ZNRF1: variants seen among roughly 807,000 people sequenced by gnomAD.
ZNRF1 encodes the protein zinc and ring finger 1, also known as E3 ubiquitin-protein ligase ZNRF1.
Under a neutral mutation model 18.4 loss-of-function variants are expected in ZNRF1, and 3 were observed. That is an observed-to-expected ratio of 0.16 (90% CI 0.07 to 0.42). The LOEUF (loss-of-function observed/expected upper bound fraction) is 0.42. Ranked by LOEUF, ZNRF1 falls within the 10% of genes least tolerant of loss-of-function variation. The probability of loss-of-function intolerance (pLI) is 0.99; values close to 1 mark genes in which losing one functional copy is unlikely to be tolerated. For missense variants in ZNRF1, 310 were observed against 329.8 expected (o/e 0.94, Z 0.47); for synonymous variants, 157 against 144.2 (o/e 1.09, Z -0.64).
At chr16:75,047,263 C>T (rs553935145) in intron 1 of ZNRF1, among the ~76,000 whole-genome samples, 2 of 152,274 alleles carry the variant, frequency 1.3e-5, no homozygotes, top group South Asian at 4.1e-4. Flanking sequence ...ATCTTGAACT[C>T]CTGGGCTCAA....
intron 1 of ZNRF1, among the ~76,000 whole-genome samples, chr16:75,077,692 C>G (rs1031116420): frequency 6.6e-6 from 1 of 152,168 alleles, no homozygotes; most frequent in East Asian, 1.9e-4. Context: ...GCATTGGTCT[C>G]GCTGGGCTGA....
chr16:75,070,904 C>G (rs2035862303), intron 1 of ZNRF1, among the ~76,000 whole-genome samples: 1 of 152,192 alleles, frequency 6.6e-6, no homozygotes, highest in Admixed American at 6.5e-5. Flanking sequence ...TGTGAATAAA[C>G]TATGCTTTAT....
chr16:75,031,582 A>G (rs2035304643), intron 1 of ZNRF1, among the ~76,000 whole-genome samples: 2 of 152,012 alleles, frequency 1.3e-5, no homozygotes, highest in African/African-American at 4.8e-5. Context: ...ATCTCAGCTC[A>G]CTGCAGCCTG....
chr16:75,061,512 CTT>C (rs2035743746), intron 1 of ZNRF1, among the ~76,000 whole-genome samples: 1 of 128,022 alleles, frequency 7.8e-6, no homozygotes, highest in Non-Finnish European at 1.8e-5. Flanking sequence ...GTGAATCGTA[CTT>C]CATAGTGTAT....
At chr16:75,020,254 C>G (rs1371958551) in intron 1 of ZNRF1, among the ~76,000 whole-genome samples, 1 of 152,052 alleles carries the variant, frequency 6.6e-6, no homozygotes, top group Admixed American at 6.5e-5. Context: ...CCTGCTACAT[C>G]TTTTCTTATC....
rs2034795842 is a variant in ZNRF1, at chr16:74,999,058, G to C, written c.-614G>C. 1 of 150,382 alleles carries C rather than the reference G, an allele frequency of 6.6e-6. No homozygotes were observed. The highest frequency in any genetic ancestry group is 6.6e-5 in the Admixed American group (1 of 15,098). The allele number at this position is 150,382 out of a possible 1,614,324, so 9.3% of individuals were successfully genotyped here. On this transcript the variant is annotated 5_prime_UTR_variant, in exon 1 of 5. Coordinates refer to ENST00000335325, the MANE Select transcript of ZNRF1 (RefSeq NM_032268.5). ...ACGGCGGCGAGGAGCGCCGGCGAGC[G>C]CAGCCCGGGACCGAGCGGGGCGGCG...
rs2034810160 is a variant in ZNRF1, at chr16:74,999,646, C to T, written c.-26C>T. 7.5e-7 allele frequency: 1 copy of T among 1,328,600 alleles called. No individual in the cohort carries two copies. The highest frequency in any genetic ancestry group is 9.6e-7 in the Non-Finnish European group (1 of 1,044,954). The allele number at this position is 1,328,600 out of a possible 1,614,324, so 82.3% of individuals were successfully genotyped here. A position where few individuals can be genotyped will look rare whatever the true frequency, so the allele number is the denominator to read the frequency against. Reference sequence around the variant, plus strand: ...GGGGGAGGGTCTCGGCCTCCAGGTTCCCGCCCCACCGGGGCCCGGGCGAGC... The same window carrying T: ...GGGGGAGGGTCTCGGCCTCCAGGTTTCCGCCCCACCGGGGCCCGGGCGAGC... On this transcript the variant is annotated 5_prime_UTR_variant, in exon 1 of 5. Coordinates refer to ENST00000335325, the MANE Select transcript of ZNRF1 (RefSeq NM_032268.5).
chr16:75,071,190 C>A (rs1163973101), intron 1 of ZNRF1, among the ~76,000 whole-genome samples: 1 of 151,714 alleles, frequency 6.6e-6, no homozygotes, highest in Non-Finnish European at 1.5e-5. Context: ...ACCTCCGCCT[C>A]CCGGGTTCAA....
At chr16:75,009,197 C>G (rs2034962970) in intron 1 of ZNRF1, among the ~76,000 whole-genome samples, 1 of 152,016 alleles carries the variant, frequency 6.6e-6, no homozygotes, top group Non-Finnish European at 1.5e-5. Context: ...TATTATAAGT[C>G]TATGTCTCTG....
intron 1 of ZNRF1, among the ~76,000 whole-genome samples, chr16:75,007,187 A>T (rs754700353): frequency 6.7e-6 from 1 of 150,314 alleles, no homozygotes; most frequent in Non-Finnish European, 1.5e-5. Context: ...CCTCCTGAGT[A>T]GCTGGGACTA....
intron 1 of ZNRF1, among the ~76,000 whole-genome samples, chr16:75,012,744 A>G (rs1317673935): frequency 6.6e-6 from 1 of 152,204 alleles, no homozygotes; most frequent in Non-Finnish European, 1.5e-5. Flanking sequence ...CTCGGGACTC[A>G]TGTCTGAACC....
At chr16:75,027,898 C>A (rs2035248006) in intron 1 of ZNRF1, among the ~76,000 whole-genome samples, 1 of 152,186 alleles carries the variant, frequency 6.6e-6, no homozygotes, top group Admixed American at 6.5e-5. Flanking sequence ...GAGGACTCTT[C>A]CATACTTTCT....
intron 1 of ZNRF1, among the ~76,000 whole-genome samples, chr16:75,083,865 A>G (rs185501125): frequency 6.6e-6 from 1 of 152,260 alleles, no homozygotes; most frequent in African/African-American, 2.4e-5. Context: ...CAGCAGGAGT[A>G]CTAGAAAGAG....
At chr16:75,030,990 G>A (rs4888332) in intron 1 of ZNRF1, among the ~76,000 whole-genome samples, 134,080 of 151,704 alleles carry the variant, frequency 0.88, 59,599 homozygotes, top group Non-Finnish European at 0.93. Flanking sequence ...GGTGTGCACC[G>A]CCACGCCTAG....
At chr16:75,101,913 TGAGGGGACAG>T (rs890899220) in intron 2 of ZNRF1, among the ~76,000 whole-genome samples, 1 of 152,216 alleles carries the variant, frequency 6.6e-6, no homozygotes, top group African/African-American at 2.4e-5. Flanking sequence ...GTTTGGAGTC[TGAGGGGACAG>T]ACACTTCAGC....
At chr16:75,060,199 G>A (rs1274575709) in intron 1 of ZNRF1, among the ~76,000 whole-genome samples, 8 of 150,932 alleles carry the variant, frequency 5.3e-5, no homozygotes, top group African/African-American at 1.2e-4. Context: ...AACTACAGGC[G>A]CGCATCACCA....
chr16:75,091,043 A>C (rs1597905518), intron 1 of ZNRF1, among the ~76,000 whole-genome samples: 1 of 152,048 alleles, frequency 6.6e-6, no homozygotes, highest in South Asian at 2.1e-4. Flanking sequence ...GAGACACCGC[A>C]CCCAGCCACA....
intron 1 of ZNRF1, among the ~76,000 whole-genome samples, chr16:75,021,411 C>G (rs577618816): frequency 3.3e-5 from 5 of 152,338 alleles, no homozygotes; most frequent in African/African-American, 1.2e-4. Context: ...TTTGAATTCA[C>G]TCACCTGCTT....
At chr16:75,005,079 G>A (rs1160494550) in intron 1 of ZNRF1, among the ~76,000 whole-genome samples, 8 of 152,114 alleles carry the variant, frequency 5.3e-5, no homozygotes, top group African/African-American at 1.2e-4. Flanking sequence ...TTTGTGTCCC[G>A]CCATAGGTGT....
Sources: gnomAD v4.1 joint callset for allele counts (sites outside exome capture counted in the v4.1 genomes callset) on GRCh38, gnomAD v4.1.1 for gene constraint, MANE v1.5 for transcripts, NCBI Gene and HGNC (gene_info 2026-07-23, HGNC 2026-07-21) for gene names.